TNFRSF11A: variants seen among roughly 807,000 people sequenced by gnomAD.
The protein encoded by TNFRSF11A is tumor necrosis factor receptor superfamily member 11A.
TNFRSF11A carries 32 observed loss-of-function variants against 55.7 expected under a neutral mutation model. The ratio of observed to expected loss-of-function variants is 0.57; its 90% CI spans 0.43 to 0.77. The LOEUF is 0.77. Among genes scored for constraint, TNFRSF11A ranks in the 30% least tolerant of loss-of-function variants. The pLI is 0.00. For synonymous variants in TNFRSF11A, 311 were observed against 331.0 expected, an observed-to-expected ratio of 0.94 and a Z score of 0.65; for missense variants, 753 against 809.8, an observed-to-expected ratio of 0.93 and a Z score of 0.85.
At chr18:62,380,134 G>A (rs906870637) in intron 9 of TNFRSF11A, among the ~76,000 whole-genome samples, 1 of 152,196 alleles carries the variant, frequency 6.6e-6, no homozygotes, top group Non-Finnish European at 1.5e-5. Context: ...TTAACCCAGC[G>A]TGGAGCTCTT....
In TNFRSF11A at chr18:62,362,906, C is replaced by T. The variant is rs1909798803; in HGVS notation, c.730+1113C>T. 2.6e-5 allele frequency among the ~76,000 whole-genome samples: 4 copies of T among 152,122 alleles called. 1 individual carries two copies. Among genetic ancestry groups the T allele is most frequent in the Middle Eastern group, 6.8e-3 (2 of 292 alleles). On this transcript the variant is annotated intron_variant, in intron 7 of 9. Transcript: ENST00000586569. ...TTGCCTAGGCTGGAGTGTAGTGGCA[C>T]GATCTCGACTCACTGCAGCCTCCGC...
At chr18:62,377,248 A>G (rs746905399) in intron 9 of TNFRSF11A, among the ~76,000 whole-genome samples, 1 of 152,212 alleles carries the variant, frequency 6.6e-6, no homozygotes, top group Admixed American at 6.5e-5. Context: ...ATAATATTCC[A>G]TTGTGTGGAG....
At chr18:62,384,693 G>C in intron 9 of TNFRSF11A, 58 bp from the exon 10 acceptor site, 1 of 1,585,270 alleles carries the variant, frequency 6.3e-7, no homozygotes. Flanking sequence ...CCTCTCGGCA[G>C]ACCCTGCCTC....
chr18:62,376,636 G>A (rs978293824), intron 9 of TNFRSF11A, among the ~76,000 whole-genome samples: 2 of 152,048 alleles, frequency 1.3e-5, no homozygotes, highest in Non-Finnish European at 2.9e-5. Flanking sequence ...TGTGTTGTAC[G>A]TTCTATGGGT....
intron 9 of TNFRSF11A, 139 bp from the exon 10 acceptor site, chr18:62,384,612 G>A (rs1911550394): frequency 2.1e-6 from 2 of 952,188 alleles, no homozygotes; most frequent in South Asian, 3.1e-5. Context: ...GGCCTGGAGG[G>A]TTACAGTGTG....
intron 7 of TNFRSF11A, among the ~76,000 whole-genome samples, chr18:62,366,248 G>A (rs1000937346): frequency 5.9e-5 from 9 of 152,208 alleles, no homozygotes; most frequent in African/African-American, 2.2e-4. Context: ...TACTGAGCCT[G>A]ATAGAGAAAT....
At chr18:62,376,109 G>A (rs1031151939) in intron 9 of TNFRSF11A, among the ~76,000 whole-genome samples, 2 of 152,112 alleles carry the variant, frequency 1.3e-5, no homozygotes, top group African/African-American at 2.4e-5. Context: ...GCCAGGCCTG[G>A]CCTGGCCCAG....
intron 9 of TNFRSF11A, 42 bp from the exon 10 acceptor site, chr18:62,384,709 G>A: frequency 6.2e-7 from 1 of 1,600,894 alleles, no homozygotes; most frequent in East Asian, 2.2e-5. Context: ...GCCTCCGGGC[G>A]CTGACTCACC....
Position 62,369,242 on chromosome 18 carries a change from G to T in TNFRSF11A, c.1325G>T (p.Trp442Leu), listed in dbSNP as rs1910337441. 6.2e-7 allele frequency: 1 copy of T among 1,613,554 alleles called. No individual in the cohort carries two copies. Among genetic ancestry groups the T allele is most frequent in the Non-Finnish European group, 8.5e-7 (1 of 1,180,058 alleles). ...PHWAASPSPN[W>L]ADVCTGCRNP... ...TGGGCAGCCAGCCCCAGCCCCAACTGGGCAGATGTCTGCACAGGCTGCCGG... is the reference window on the plus strand; with the variant it reads ...TGGGCAGCCAGCCCCAGCCCCAACTTGGCAGATGTCTGCACAGGCTGCCGG... The change falls in exon 9 of 10, where the codon TGG becomes TTG. Residue 442 changes from tryptophan to leucine, a missense_variant. By Grantham distance (61) the Trp-to-Leu change is moderately conservative. This residue lies in a region of TNFRSF11A where 567 missense variants were observed against 596.7 expected (regional missense o/e 0.95). Coordinates refer to ENST00000586569, the MANE Select transcript of TNFRSF11A (RefSeq NM_003839.4).
Position 62,325,381 on chromosome 18 carries a change from C to T in TNFRSF11A, c.29C>T (p.Pro10Leu), listed in dbSNP as rs886054082. Residue 10 changes from proline to leucine, a missense_variant, in exon 1 of 10, where the codon CCG (proline) becomes CTG (leucine). By Grantham distance (98) the Pro-to-Leu change is moderately conservative (BLOSUM62 -3). This residue lies in a region of TNFRSF11A where 156 missense variants were observed against 155.1 expected (regional missense o/e 1.01). Coordinates refer to ENST00000586569, the MANE Select transcript of TNFRSF11A (RefSeq NM_003839.4). This position sits in a 1 kb window ranked among gnomAD's most constrained non-coding sequence, Gnocchi z 4.7. Reference protein sequence around the residue: MAPRARRRRPLFALLLLCAL... With the variant: MAPRARRRRLLFALLLLCAL... ...GCCCCGCGCGCCCGGCGGCGCCGCC[C>T]GCTGTTCGCGCTGCTGCTGCTCTGC... 1.3e-3 allele frequency: 1,409 copies of T among 1,087,696 alleles called. 1 individual carries two copies. The highest frequency in any genetic ancestry group is 1.5e-3 in the Non-Finnish European group (1,351 of 897,926). 67.4% of individuals were successfully genotyped at this position (1,087,696 alleles called of 1,614,324 possible).
intron 3 of TNFRSF11A, among the ~76,000 whole-genome samples, 165 bp from the exon 4 acceptor site, chr18:62,354,226 C>T (rs937976236): frequency 1.3e-5 from 2 of 152,158 alleles, no homozygotes; most frequent in Non-Finnish European, 2.9e-5. Context: ...GCAGGAAGTG[C>T]GAGGAGGAAC....
chr18:62,325,330 C>T lies in TNFRSF11A; in HGVS notation c.-23C>T. ...GCCACAGAGGCCGCTGAGGCCGCGG[C>T]GCCCGCCAGCCTGTCCCGCGCCATG... On this transcript the variant is annotated 5_prime_UTR_variant, in exon 1 of 10. Coordinates refer to ENST00000586569, the MANE Select transcript of TNFRSF11A (RefSeq NM_003839.4). This position sits in a 1 kb window ranked among gnomAD's most constrained non-coding sequence, Gnocchi z 4.7. The T allele has an allele frequency of 3.0e-6, 3 of 1,000,930 alleles. No homozygotes were observed. The highest frequency in any genetic ancestry group is 1.1e-4 in the East Asian group (1 of 9,378). The allele number at this position is 1,000,930 out of a possible 1,614,324, so 62.0% of individuals were successfully genotyped here.
intron 1 of TNFRSF11A, among the ~76,000 whole-genome samples, chr18:62,332,841 G>A (rs766762739): frequency 3.7e-4 from 57 of 152,172 alleles, no homozygotes; most frequent in Admixed American, 1.4e-3. Context: ...GACTCAGGAC[G>A]TTGCTGCCTC....
Position 62,360,001 on chromosome 18 carries a change from T to C in TNFRSF11A, c.568T>C (p.Ser190Pro). ...AGTAGAACATCATGGGACAGAGAAA[T>C]CCGATGCGGTTTGCAGTTCTTCTCT... ...KRVEHHGTEK[S>P]DAVCSSSLPA... The change falls in exon 6 of 10, where the codon TCC becomes CCC. Residue 190 changes from serine (S) to proline (P), a missense_variant. Transcript: ENST00000586569. The C allele has an allele frequency of 1.2e-6, 2 of 1,614,008 alleles. No homozygotes were observed. Among genetic ancestry groups the C allele is most frequent in the Non-Finnish European group, 1.7e-6 (2 of 1,179,906 alleles).
chr18:62,362,449 C>T (rs558153371), intron 7 of TNFRSF11A, among the ~76,000 whole-genome samples: 1 of 139,152 alleles, frequency 7.2e-6, no homozygotes, highest in East Asian at 2.3e-4. Flanking sequence ...AAGATCATGC[C>T]ATTGCACTCC....
At chr18:62,327,320 G>A (rs1451631797) in intron 1 of TNFRSF11A, among the ~76,000 whole-genome samples, 1 of 152,132 alleles carries the variant, frequency 6.6e-6, no homozygotes, top group Admixed American at 6.5e-5. Context: ...ACCTCTGCCC[G>A]TGGCCACTAC....
At chr18:62,338,225 T>C (rs929082933) in intron 1 of TNFRSF11A, among the ~76,000 whole-genome samples, 1 of 152,214 alleles carries the variant, frequency 6.6e-6, no homozygotes, top group African/African-American at 2.4e-5. Flanking sequence ...CATGCAGTGC[T>C]GCTGGGAATG....
At chr18:62,358,367 G>A in intron 5 of TNFRSF11A, 26 bp downstream of exon 5, 3 of 1,605,136 alleles carry the variant, frequency 1.9e-6, no homozygotes, top group African/African-American at 2.7e-5. Flanking sequence ...GGAGTCAGAA[G>A]AGATGGTTGG....
rs144629536 is a variant in TNFRSF11A, at chr18:62,349,838, A to G, written c.184A>G (p.Thr62Ala). The G allele has an allele frequency of 1.2e-6, 2 of 1,614,104 alleles. No individual in the cohort carries two copies. The highest frequency in any genetic ancestry group is 2.2e-5 in the East Asian group (1 of 44,886). Reference sequence around the variant, plus strand: ...AAAGTACATGTCTTCTAAATGCACTACTACCTCTGACAGTGTATGTCTGCC... The same window carrying G: ...AAAGTACATGTCTTCTAAATGCACTGCTACCTCTGACAGTGTATGTCTGCC... Reference protein sequence around the residue: ...PGKYMSSKCTTTSDSVCLPCG... With the variant: ...PGKYMSSKCTATSDSVCLPCG... The change falls in exon 3 of 10, where the codon ACT becomes GCT. Residue 62 changes from threonine (T) to alanine (A), a missense_variant. By Grantham distance (58) the Thr-to-Ala change is moderately conservative. Around this residue, in one of 3 missense-constraint regions of TNFRSF11A, gnomAD observed 156 missense variants for 155.1 expected, o/e 1.01. Coordinates refer to ENST00000586569, the MANE Select transcript of TNFRSF11A (RefSeq NM_003839.4).
Sources: allele counts gnomAD v4.1 joint callset (sites outside exome capture counted in the v4.1 genomes callset), GRCh38; gene constraint gnomAD v4.1.1; regional missense constraint gnomAD v4.1.1; non-coding constraint Gnocchi (gnomAD v3.1); transcripts MANE v1.5; gene names NCBI Gene and HGNC (gene_info 2026-07-23, HGNC 2026-07-21).